Variants in FAT2 observed in about 807,000 individuals in gnomAD.
The protein encoded by FAT2 is FAT atypical cadherin 2, also known as protocadherin Fat 2.
Under a neutral mutation model 295.3 loss-of-function variants are expected in FAT2, and 150 were observed. The ratio of observed to expected loss-of-function variants is 0.51; its 90% confidence interval spans 0.44 to 0.58. The LOEUF (loss-of-function observed/expected upper bound fraction) is 0.58, where lower values mean the gene tolerates loss of function less well. Ranked by LOEUF, FAT2 falls within the 20% of genes least tolerant of loss-of-function variation. The pLI is 0.00. For synonymous variants in FAT2, 2,026 were observed against 2,150.3 expected, an observed-to-expected ratio of 0.94 and a Z score of 1.60; for missense variants, 4,868 against 5,442.7, an observed-to-expected ratio of 0.89 and a Z score of 3.32.
chr5:151,553,432 C>G (rs775953968), intron 5 of FAT2, 45 bp from the exon 6 acceptor site: 87 of 1,568,280 alleles, frequency 5.5e-5, no homozygotes, highest in Non-Finnish European at 7.5e-5. Flanking sequence ...GGCCAAGAGA[C>G]AGGAAGACCC....
In FAT2 at chr5:151,566,470, G is replaced by A. The variant is rs2127646098; in HGVS notation, c.2462C>T (p.Pro821Leu). The A allele has an allele frequency of 6.2e-7, 1 of 1,613,708 alleles. No homozygotes were observed. ...KDWNDNAPRF[P>L]PGGYQLTISE... ...GATGGTTAACTGGTACCCACCGGGA[G>A]GAAATCTGGGTGCGTTGTCATTCCA... Residue 821 changes from proline (P) to leucine (L), a missense_variant, in exon 2 of 24, where the codon CCT becomes CTT. Pro to Leu is a moderately conservative substitution (Grantham distance 98, BLOSUM62 -3). Around this residue, in one of 5 missense-constraint regions of FAT2, gnomAD observed 3,297 missense variants for 3,669.4 expected, o/e 0.90. Transcript: ENST00000261800.
intron 13 of FAT2, among the ~76,000 whole-genome samples, chr5:151,532,778 C>T (rs1314685534): frequency 1.3e-5 from 2 of 152,202 alleles, no homozygotes; most frequent in African/African-American, 2.4e-5. Flanking sequence ...ATTTAAGGCT[C>T]GGCTGTGAGG....
At chr5:151,516,297 G>T (rs1382282999) in intron 20 of FAT2, among the ~76,000 whole-genome samples, 2 of 152,138 alleles carry the variant, frequency 1.3e-5, no homozygotes, top group Admixed American at 6.5e-5. Flanking sequence ...ATCGCTTGAG[G>T]CCAGGAGTTC....
upstream of FAT2, among the ~76,000 whole-genome samples, chr5:151,591,817 G>A (rs975819974): frequency 6.6e-6 from 1 of 152,052 alleles, no homozygotes; most frequent in African/African-American, 2.4e-5. Flanking sequence ...GAAAAGATGG[G>A]GATAATAATA....
rs751985196 is a variant in FAT2 at position 151,531,698 on chromosome 5, C to T, written c.9700G>A (p.Gly3234Ser). The T allele has an allele frequency of 6.2e-7, 1 of 1,613,882 alleles. No homozygotes were observed. Among genetic ancestry groups the T allele is most frequent in the South Asian group, 1.1e-5 (1 of 91,046 alleles). The change falls in exon 14 of 24, where the codon GGC becomes AGC. Residue 3234 changes from glycine (G) to serine (S), a missense_variant. This residue lies in a region of FAT2 where 1,046 missense variants were observed against 1,210.1 expected (regional missense o/e 0.86). Transcript: ENST00000261800. This position sits in a 1 kb window ranked among gnomAD's most constrained non-coding sequence, Gnocchi z 5.7. Reference protein sequence around the residue: ...SVQVPEDAPPGTEVLQLATLT... With the variant: ...SVQVPEDAPPSTEVLQLATLT... ...GTGGCCAGCTGCAGCACCTCCGTGCCAGGTGGGGCGTCCTCGGGCACCTGC... is the reference window on the plus strand; with the variant it reads ...GTGGCCAGCTGCAGCACCTCCGTGCTAGGTGGGGCGTCCTCGGGCACCTGC...
intron 19 of FAT2, among the ~76,000 whole-genome samples, chr5:151,520,098 A>G (rs1186408369): frequency 6.6e-6 from 1 of 152,250 alleles, no homozygotes; most frequent in Admixed American, 6.5e-5. Context: ...AGAGAAGCCC[A>G]CCCAGCCTAA....
intron 18 of FAT2, among the ~76,000 whole-genome samples, chr5:151,524,893 A>C (rs1307892778): frequency 6.6e-6 from 1 of 152,118 alleles, no homozygotes; most frequent in Admixed American, 6.5e-5. Flanking sequence ...CCTCCCTCTG[A>C]ATGTGTGTCC....
chr5:151,526,375 C>G (rs1205523072), intron 17 of FAT2, among the ~76,000 whole-genome samples: 1 of 152,176 alleles, frequency 6.6e-6, no homozygotes, highest in Admixed American at 6.5e-5. Context: ...TGATTTCTTC[C>G]TTAGAGGACC....
In FAT2 at chr5:151,544,921, T is replaced by G. The variant is rs1366230230; in HGVS notation, c.6206A>C (p.Lys2069Thr). Residue 2069 changes from lysine (K) to threonine (T), a missense_variant, in exon 10 of 24, where the codon AAA (lysine) becomes ACA (threonine). Transcript: ENST00000261800. Reference protein sequence around the residue: ...SIEDVNDNPPKFKHLPYYTII... With the variant: ...SIEDVNDNPPTFKHLPYYTII... ...TGTGTAATAGGGCAGATGCTTAAAT[T>G]TGGGGGGATTGTCATTGACATCCTC... 1 of 1,614,008 alleles carries G rather than the reference T, an allele frequency of 6.2e-7. No individual in the cohort carries two copies.
upstream of FAT2, among the ~76,000 whole-genome samples, chr5:151,593,323 G>A (rs1759487178): frequency 1.3e-5 from 2 of 152,212 alleles, no homozygotes; most frequent in South Asian, 4.1e-4. Context: ...CCAAGGCTGG[G>A]CTCCAGCCTG....
chr5:151,533,393 A>AAAACACACAC (rs373411098), intron 13 of FAT2, among the ~76,000 whole-genome samples: 2,414 of 132,138 alleles, frequency 0.018, 32 homozygotes, highest in East Asian at 0.038. Flanking sequence ...TGTTATCTCC[A>AAAACACACAC]ACACACACAC....
chr5:151,532,062 A>AG, intron 13 of FAT2, 92 bp from the exon 14 acceptor site: 1 of 1,509,264 alleles, frequency 6.6e-7, no homozygotes, highest in Non-Finnish European at 9.0e-7. Context: ...GGGGCTGGGG[A>AG]GGGGCTCCCA....
rs2127602661 is a variant in FAT2 at position 151,540,693 on chromosome 5, G to A, written c.8913C>T (p.Thr2971=). Residue 2971 remains threonine, a synonymous_variant, in exon 11 of 24, where the codon ACC becomes ACT. Coordinates refer to ENST00000261800, the MANE Select transcript of FAT2 (RefSeq NM_001447.3). ...ACTTGGCTGTATGCTCGCGGTCCAG[G>A]GTCTTCCTTGAGGAAATCCTCCACT... is the stretch of plus-strand genomic sequence containing the variant. The part of the protein sequence containing the change: ...GDEWRISSRK[T]LDREHTAKYL... 6.2e-7 allele frequency: 1 copy of A among 1,614,158 alleles called. No individual in the cohort carries two copies.
intron 3 of FAT2, among the ~76,000 whole-genome samples, chr5:151,559,476 G>A (rs1428125907): frequency 6.6e-6 from 1 of 152,148 alleles, no homozygotes; most frequent in Non-Finnish European, 1.5e-5. Flanking sequence ...AGGACTAGGG[G>A]GTCTTGGCAG....
rs74679722 is a variant in FAT2 at position 151,517,528 on chromosome 5, G to C, written c.11463+92C>G. On this transcript the variant is annotated intron_variant, in intron 20 of 23. Coordinates refer to ENST00000261800, the MANE Select transcript of FAT2 (RefSeq NM_001447.3). ...AAACTGTGCAGGGATTTCTTTGGCA[G>C]AAATGGGCTTCCTGACATTCCTCAT... 559 of 1,489,770 alleles carry C rather than the reference G, an allele frequency of 3.8e-4. 5 individuals are homozygous for C. In the African/African-American group the frequency reaches 6.8e-3, roughly 18 times the overall value. 92.3% of individuals were successfully genotyped at this position (1,489,770 alleles called of 1,614,324 possible). A position where few individuals can be genotyped will look rare whatever the true frequency, so the allele number is the denominator to read the frequency against.
At position 151,507,438 on chromosome 5, in the gene FAT2, G is replaced by A; in HGVS notation, c.12233C>T (p.Pro4078Leu). ...FYCRRCKSHKPVAMEDPDLLA... is the reference protein window; with the variant it reads ...FYCRRCKSHKLVAMEDPDLLA... ...GAGGTCTGGGTCCTCCATGGCCACA[G>A]GCTTGTGAGACTTGCAACGGCGGCA... The change falls in exon 23 of 24, where the codon CCT becomes CTT. Residue 4078 changes from proline to leucine, a missense_variant. Transcript: ENST00000261800. 1 of 1,614,176 alleles carries A rather than the reference G, an allele frequency of 6.2e-7. No homozygotes were observed. The highest frequency in any genetic ancestry group is 8.5e-7 in the Non-Finnish European group (1 of 1,180,040).
chr5:151,522,845 G>C (rs1441788033), intron 18 of FAT2, among the ~76,000 whole-genome samples: 1 of 152,174 alleles, frequency 6.6e-6, no homozygotes, highest in African/African-American at 2.4e-5. Flanking sequence ...AGGGAAGCAG[G>C]CCTGACCTCA....
At chr5:151,581,412 C>T (rs1758951915) in intron 1 of FAT2, among the ~76,000 whole-genome samples, 1 of 152,156 alleles carries the variant, frequency 6.6e-6, no homozygotes, top group African/African-American at 2.4e-5. Flanking sequence ...TGAGCAAATT[C>T]CCTCATTTCA....
rs573231349 is a variant in FAT2 at position 151,548,322 on chromosome 5, CATTA to C, written c.4789+969_4789+972del. 9.8e-4 allele frequency among the ~76,000 whole-genome samples: 148 copies of C among 151,494 alleles called. 1 individual carries two copies. The South Asian group carries it at 0.01, about 11-fold the overall frequency. ...AAATATAATTATTACTATTAAATAT[CATTA>C]ATTATGTATTATAATTATTACAAAT... On this transcript the variant is annotated intron_variant, in intron 9 of 23. Transcript: ENST00000261800.
Sources: gnomAD v4.1 joint callset for allele counts (sites outside exome capture counted in the v4.1 genomes callset) on GRCh38, gnomAD v4.1.1 for gene constraint, gnomAD v4.1.1 regional missense constraint, Gnocchi (gnomAD v3.1) non-coding constraint, MANE v1.5 for transcripts, NCBI Gene and HGNC (gene_info 2026-07-23, HGNC 2026-07-21) for gene names.